Variants in SUPT3H observed in about 807,000 individuals in gnomAD.
SUPT3H encodes transcription initiation protein SPT3 homolog.
A neutral mutation model predicts 44.3 loss-of-function variants in SUPT3H; 44 were observed. The ratio of observed to expected loss-of-function variants is 0.99; its 90% confidence interval spans 0.78 to 1.28. SUPT3H has a LOEUF of 1.28. Among genes scored for constraint, SUPT3H ranks in the 50% most tolerant of loss-of-function variants. The pLI is 0.00. For synonymous variants in SUPT3H, 124 were observed against 125.6 expected, an observed-to-expected ratio of 0.99 and a Z score of 0.09; for missense variants, 380 against 387.1, an observed-to-expected ratio of 0.98 and a Z score of 0.15.
chr6:45,279,786 C>A (rs1336983849), intron 2 of SUPT3H, among the ~76,000 whole-genome samples: 1 of 152,170 alleles, frequency 6.6e-6, no homozygotes, highest in Non-Finnish European at 1.5e-5. Flanking sequence ...TCTATAAAAG[C>A]TATCATATTG....
At chr6:45,322,510 T>A (rs866199042) in intron 2 of SUPT3H, among the ~76,000 whole-genome samples, 7 of 151,950 alleles carry the variant, frequency 4.6e-5, no homozygotes, top group African/African-American at 1.7e-4. Flanking sequence ...AGATTTCCAA[T>A]GGGAATACTG....
chr6:45,062,204 G>A (rs552155609), intron 3 of SUPT3H, among the ~76,000 whole-genome samples: 14 of 151,916 alleles, frequency 9.2e-5, no homozygotes, highest in Admixed American at 7.9e-4. Flanking sequence ...TTGTAATACT[G>A]TTGGGAAAAG....
At chr6:44,966,669 G>A (rs956940695) in intron 6 of SUPT3H, among the ~76,000 whole-genome samples, 4 of 152,046 alleles carry the variant, frequency 2.6e-5, no homozygotes, top group Non-Finnish European at 5.9e-5. Context: ...AATGAAGGTT[G>A]TACTCCCTTT....
chr6:45,083,520 G>A (rs1241998709), intron 3 of SUPT3H, among the ~76,000 whole-genome samples: 1 of 151,906 alleles, frequency 6.6e-6, no homozygotes, highest in African/African-American at 2.4e-5. Context: ...AGGCCATATG[G>A]CTTAAAGCAG....
intron 11 of SUPT3H, among the ~76,000 whole-genome samples, chr6:44,821,426 C>T (rs1029017179): frequency 3.3e-5 from 5 of 152,100 alleles, no homozygotes; most frequent in Non-Finnish European, 5.9e-5. Flanking sequence ...GAAAGAAAAC[C>T]ACATACCTCA....
At chr6:45,063,781 C>T (rs1016766854) in intron 3 of SUPT3H, among the ~76,000 whole-genome samples, 1 of 142,008 alleles carries the variant, frequency 7.0e-6, no homozygotes, top group Non-Finnish European at 1.5e-5. Flanking sequence ...AAGAAATGAG[C>T]AAAGCCTCCA....
chr6:44,838,947 ATT>A (rs1561862856), intron 10 of SUPT3H, among the ~76,000 whole-genome samples: 14 of 152,350 alleles, frequency 9.2e-5, no homozygotes, highest in Admixed American at 2.0e-4. Flanking sequence ...TGCCATGGAC[ATT>A]TACAATAATA....
chr6:45,045,844 A>G (rs1205798840), intron 3 of SUPT3H, among the ~76,000 whole-genome samples: 1 of 152,160 alleles, frequency 6.6e-6, no homozygotes, highest in East Asian at 1.9e-4. Flanking sequence ...TGCATCACAA[A>G]TATTTTTTGC....
In SUPT3H at chr6:45,099,123, C is replaced by T. The variant is rs1798193573; in HGVS notation, c.186+6799G>A. The stretch of plus-strand genomic sequence containing the variant: ...GCCACCAGCCCCTAGTCTTCCACAC[C>T]CCCAACCCCAGGATTTAGGCCACAC... On this transcript the variant is annotated intron_variant, in intron 3 of 10. Transcript: ENST00000371459. The T allele has an allele frequency of 5.2e-5, 18 of 343,570 alleles. 1 individual carries two copies. The highest frequency in any genetic ancestry group is 4.3e-4 in the South Asian group (18 of 42,176). 21.3% of individuals were successfully genotyped at this position (343,570 alleles called of 1,614,324 possible).
At chr6:45,058,073 T>C (rs2153540280) in intron 3 of SUPT3H, among the ~76,000 whole-genome samples, 1 of 152,266 alleles carries the variant, frequency 6.6e-6, no homozygotes, top group African/African-American at 2.4e-5. Context: ...GAGAAAATTA[T>C]GGGGTGCTTA....
At chr6:45,236,379 G>A (rs1038924178) in intron 2 of SUPT3H, among the ~76,000 whole-genome samples, 1 of 152,050 alleles carries the variant, frequency 6.6e-6, no homozygotes, top group Non-Finnish European at 1.5e-5. Context: ...AAGCATCAGG[G>A]TAACAATGGG....
At chr6:45,229,694 C>A (rs1767599961) in intron 2 of SUPT3H, among the ~76,000 whole-genome samples, 1 of 152,016 alleles carries the variant, frequency 6.6e-6, no homozygotes, top group Non-Finnish European at 1.5e-5. Context: ...CATTTTGTTT[C>A]TCTCTTTTAT....
intron 3 of SUPT3H, among the ~76,000 whole-genome samples, chr6:45,053,977 G>A (rs1206984781): frequency 1.3e-5 from 2 of 149,354 alleles, no homozygotes; most frequent in African/African-American, 4.9e-5. Context: ...AAGACCATCA[G>A]GTGACAGGTG....
chr6:45,328,655 T>A, intron 2 of SUPT3H: 1 of 1,611,198 alleles, frequency 6.2e-7, no homozygotes. Flanking sequence ...TGGTTTGTAT[T>A]TTCAGTTTAA....
intron 9 of SUPT3H, among the ~76,000 whole-genome samples, 188 bp downstream of exon 9, chr6:44,953,122 G>C (rs1299985454): frequency 6.6e-6 from 1 of 152,192 alleles, no homozygotes; most frequent in Non-Finnish European, 1.5e-5. Context: ...ATTGTCTTAA[G>C]TGGACTGTCA....
chr6:45,251,357 T>G (rs1239991183), intron 2 of SUPT3H, among the ~76,000 whole-genome samples: 1 of 151,704 alleles, frequency 6.6e-6, no homozygotes, highest in Non-Finnish European at 1.5e-5. Flanking sequence ...AATTAGTCTC[T>G]TCTTTAAACT....
intron 10 of SUPT3H, among the ~76,000 whole-genome samples, chr6:44,928,882 C>CAAAATAAATAAAAAAAAAAAAAA (rs1491206167): frequency 4.8e-5 from 1 of 20,646 alleles, no homozygotes; most frequent in African/African-American, 3.1e-4. Flanking sequence ...GACTCCGTCT[C>CAAAATAAATAAAAAAAAAAAAAA]AAAAAAAAAA....
At chr6:44,842,609 C>A (rs1276409792) in intron 10 of SUPT3H, among the ~76,000 whole-genome samples, 4 of 151,542 alleles carry the variant, frequency 2.6e-5, no homozygotes, top group African/African-American at 9.7e-5. Context: ...CTGTCATATA[C>A]CTATTTTTTT....
chr6:45,320,303 G>A (rs564756822), intron 2 of SUPT3H, among the ~76,000 whole-genome samples: 17 of 151,950 alleles, frequency 1.1e-4, no homozygotes, highest in South Asian at 4.2e-4. Context: ...TTGCTCTGTC[G>A]CCCAGGCTGT....
Sources: gnomAD v4.1 joint callset for allele counts (sites outside exome capture counted in the v4.1 genomes callset) on GRCh38, gnomAD v4.1.1 for gene constraint, MANE v1.5 for transcripts, NCBI Gene and HGNC (gene_info 2026-07-23, HGNC 2026-07-21) for gene names.